MYO5B: variants seen among roughly 807,000 people sequenced by gnomAD.
MYO5B encodes the protein unconventional myosin-Vb.
A neutral mutation model predicts 229.3 loss-of-function variants in MYO5B; 143 were observed. The observed-to-expected ratio is 0.62, with a 90% CI of 0.54 to 0.72. The LOEUF is 0.72. Among genes scored for constraint, MYO5B ranks in the 30% least tolerant of loss-of-function variants. MYO5B has a pLI of 0.00. For missense variants in MYO5B, 2,321 were observed against 2,331.0 expected, an observed-to-expected ratio of 1.00 and a Z score of 0.09; for synonymous variants, 918 against 885.2, an observed-to-expected ratio of 1.04 and a Z score of -0.66.
chr18:49,863,211 A>T lies in MYO5B; in HGVS notation c.3944+16T>A, dbSNP rs768129083. The T allele has an allele frequency of 6.2e-7, 1 of 1,605,132 alleles. No homozygotes were observed. Among genetic ancestry groups the T allele is most frequent in the South Asian group, 1.1e-5 (1 of 90,814 alleles). ...TCCGCGGCCTCGTCCAGCACATTTG[A>T]CCGCGGCGGCCTTACCTGTTTGTCT... On this transcript the variant is annotated intron_variant, in intron 29 of 39. Coordinates refer to ENST00000285039, the MANE Select transcript of MYO5B (RefSeq NM_001080467.3).
At chr18:50,109,686 A>T (rs2031830649) in intron 1 of MYO5B, among the ~76,000 whole-genome samples, 1 of 152,126 alleles carries the variant, frequency 6.6e-6, no homozygotes, top group Non-Finnish European at 1.5e-5. Context: ...TCAGCCTCCC[A>T]AAGTGCTGGG....
chr18:49,869,034 T>A (rs2024428620), intron 27 of MYO5B, among the ~76,000 whole-genome samples: 1 of 152,166 alleles, frequency 6.6e-6, no homozygotes, highest in Non-Finnish European at 1.5e-5. Flanking sequence ...GTGGGCAGCT[T>A]TTTCAAATCC....
intron 9 of MYO5B, among the ~76,000 whole-genome samples, chr18:49,975,460 T>C (rs2025739869): frequency 6.6e-6 from 1 of 152,232 alleles, no homozygotes; most frequent in Admixed American, 6.5e-5. Flanking sequence ...GCACTGACCC[T>C]GCATTGTCCT....
intron 12 of MYO5B, among the ~76,000 whole-genome samples, chr18:49,958,016 C>T (rs777229784): frequency 2.6e-5 from 4 of 152,312 alleles, no homozygotes; most frequent in Non-Finnish European, 5.9e-5. Flanking sequence ...CCCAGTGCTG[C>T]TTCCAGGCCT....
Position 49,972,366 on chromosome 18 carries a change from C to T in MYO5B, c.1322+1984G>A, listed in dbSNP as rs568310203. Among the ~76,000 whole-genome samples, 340 of 152,214 alleles carry T rather than the reference C, an allele frequency of 2.2e-3. 1 individual carries two copies. The highest frequency in any genetic ancestry group is 7.5e-3 in the African/African-American group (312 of 41,538). ...CCAGCTCACGGAGGCCTCCTAAGAA[C>T]AGCAAAAAACCCAGCGGAAGATCAC... On this transcript the variant is annotated intron_variant, in intron 10 of 39. Transcript: ENST00000285039.
chr18:50,146,156 C>A (rs575008012), intron 1 of MYO5B, among the ~76,000 whole-genome samples: 11 of 152,324 alleles, frequency 7.2e-5, no homozygotes, highest in African/African-American at 2.6e-4. Flanking sequence ...CTCAGTCTAA[C>A]CCCTAGCAGG....
chr18:49,906,427 C>T lies in MYO5B; in HGVS notation c.2406G>A (p.Leu802=), dbSNP rs536119141. The part of the protein sequence containing the change: ...LTLQRYCRGH[L]ARRLAEHLRR... ...GCCACAGTCTGGCTCACCTGCGGGCCAGGTGTCCCCGGCAGTACCTCTGCA... is the reference window on the plus strand; with the variant it reads ...GCCACAGTCTGGCTCACCTGCGGGCTAGGTGTCCCCGGCAGTACCTCTGCA... The change falls in exon 19 of 40, where the codon CTG becomes CTA. Residue 802 remains leucine (L), a synonymous_variant. Coordinates refer to ENST00000285039, the MANE Select transcript of MYO5B (RefSeq NM_001080467.3). 9.3e-6 allele frequency: 15 copies of T among 1,614,066 alleles called. No homozygotes were observed. In the Admixed American group the frequency reaches 1.5e-4, roughly 16 times the overall value.
intron 17 of MYO5B, among the ~76,000 whole-genome samples, chr18:49,921,370 G>A (rs910656252): frequency 1.3e-5 from 2 of 151,104 alleles, no homozygotes; most frequent in Admixed American, 1.3e-4. Context: ...ACACAAAGCT[G>A]CTGACTCTCT....
In MYO5B at chr18:49,823,899, A is replaced by C. The variant is rs1277350733; in HGVS notation, c.*2572T>G. 6.6e-6 allele frequency: 1 copy of C among 152,652 alleles called. No homozygotes were observed. The highest frequency in any genetic ancestry group is 1.5e-5 in the Non-Finnish European group (1 of 68,036). 9.5% of individuals were successfully genotyped at this position (152,652 alleles called of 1,614,324 possible). ...ATTCTTAATATTTAAAATGCTTCTA[A>C]TGTTTTAAAAGACAAAACTCCCCCA... On this transcript the variant is annotated 3_prime_UTR_variant, in exon 40 of 40. Coordinates refer to ENST00000285039, the MANE Select transcript of MYO5B (RefSeq NM_001080467.3).
chr18:50,097,220 C>G (rs1307899305), intron 1 of MYO5B: 4 of 456,652 alleles, frequency 8.8e-6, no homozygotes, highest in Non-Finnish European at 1.8e-5. Context: ...ACTCCCACCT[C>G]CGCATCCCTA....
chr18:49,839,417 T>C (rs925827184), intron 35 of MYO5B, 123 bp from the exon 36 acceptor site: 3 of 1,037,946 alleles, frequency 2.9e-6, no homozygotes, highest in South Asian at 1.3e-5. Context: ...GCCCTCCCTA[T>C]GTAGATGATG....
intron 10 of MYO5B, among the ~76,000 whole-genome samples, chr18:49,967,218 T>C (rs2025636033): frequency 6.6e-6 from 1 of 152,206 alleles, no homozygotes; most frequent in Non-Finnish European, 1.5e-5. Context: ...AAGTATACAA[T>C]TTCCTTCTCA....
chr18:50,186,321 T>TA (rs1266015953), intron 1 of MYO5B, among the ~76,000 whole-genome samples: 1 of 152,240 alleles, frequency 6.6e-6, no homozygotes, highest in Non-Finnish European at 1.5e-5. Flanking sequence ...GCTTTTGTCT[T>TA]TCCTGCATTG....
Position 49,954,496 on chromosome 18 carries a change from G to T in MYO5B, c.1546-61C>A, listed in dbSNP as rs922919421. 3.4e-5 allele frequency: 54 copies of T among 1,608,174 alleles called. No individual in the cohort carries two copies. In the South Asian group the frequency reaches 5.7e-4, roughly 17 times the overall value. On this transcript the variant is annotated intron_variant, in intron 12 of 39. Coordinates refer to ENST00000285039, the MANE Select transcript of MYO5B (RefSeq NM_001080467.3). ...AAGAGGAAGAAGGAAGCCCTGGGTTGCAGCAGAGGGATGGGACCAGTAGGC... is the reference window on the plus strand; with the variant it reads ...AAGAGGAAGAAGGAAGCCCTGGGTTTCAGCAGAGGGATGGGACCAGTAGGC...
At chr18:49,916,710 C>A (rs1160517465) in intron 17 of MYO5B, among the ~76,000 whole-genome samples, 1 of 151,996 alleles carries the variant, frequency 6.6e-6, no homozygotes, top group African/African-American at 2.4e-5. Flanking sequence ...TGGGGACACC[C>A]TCAGGAGGGA....
At chr18:50,117,347 C>T (rs1320536023) in intron 1 of MYO5B, among the ~76,000 whole-genome samples, 2 of 152,082 alleles carry the variant, frequency 1.3e-5, no homozygotes, top group South Asian at 2.1e-4. Flanking sequence ...TCCAGGAAGA[C>T]CCAACATTCC....
chr18:50,157,165 G>A (rs1243340833), intron 1 of MYO5B, among the ~76,000 whole-genome samples: 2 of 151,868 alleles, frequency 1.3e-5, no homozygotes, highest in African/African-American at 4.8e-5. Flanking sequence ...GAGTGCAGTG[G>A]CGTGATCTCG....
intron 1 of MYO5B, among the ~76,000 whole-genome samples, chr18:50,176,683 C>A (rs2033001320): frequency 6.6e-6 from 1 of 152,166 alleles, no homozygotes; most frequent in South Asian, 2.1e-4. Flanking sequence ...AACTTCCATT[C>A]AAAAGTCTTT....
chr18:49,953,403 A>G (rs2025450909), intron 13 of MYO5B, 60 bp from the exon 14 acceptor site: 1 of 1,421,966 alleles, frequency 7.0e-7, no homozygotes, highest in Non-Finnish European at 9.9e-7. Context: ...TTTCTCAACC[A>G]CTTTCATCTC....
Sources: gnomAD v4.1 joint callset for allele counts (sites outside exome capture counted in the v4.1 genomes callset) on GRCh38, gnomAD v4.1.1 for gene constraint, MANE v1.5 for transcripts, NCBI Gene and HGNC (gene_info 2026-07-23, HGNC 2026-07-21) for gene names.